CELF5: variants seen among roughly 807,000 people sequenced by gnomAD.
CELF5 encodes the protein CUGBP Elav-like family member 5.
A neutral mutation model predicts 54.9 loss-of-function variants in CELF5; 6 were observed. The ratio of observed to expected loss-of-function variants is 0.11; its 90% CI spans 0.06 to 0.22. The LOEUF is 0.22. CELF5 is among the 10% of genes least tolerant of loss of function. The pLI, the probability that CELF5 is intolerant of heterozygous loss-of-function variation, is 1.00. For synonymous variants in CELF5, 271 were observed against 290.9 expected (o/e 0.93, Z 0.70); for missense variants, 401 against 678.6 (o/e 0.59, Z 4.54).
Position 3,257,165 on chromosome 19 carries a change from C to T in CELF5, c.342+6098C>T, listed in dbSNP as rs115358075. 6.7e-3 allele frequency among the ~76,000 whole-genome samples: 1,023 copies of T among 152,224 alleles called. 12 individuals carry two copies. The highest frequency in any genetic ancestry group is 0.023 in the African/African-American group (953 of 41,542). On this transcript the variant is annotated intron_variant, in intron 2 of 12. Transcript: ENST00000292672. ...AGGGAAGGCCTCTCTGAGGAGATGG[C>T]CTGGAGAGGAGGAAGCCGTGCACTC...
chr19:3,254,431 G>A (rs60302083), intron 2 of CELF5, among the ~76,000 whole-genome samples: 30,780 of 144,984 alleles, frequency 0.21, 3,561 homozygotes, highest in East Asian at 0.55. Flanking sequence ...CCAGCCACAC[G>A]TCCATCCATC....
chr19:3,254,301 G>T (rs1386274351), intron 2 of CELF5, among the ~76,000 whole-genome samples: 2 of 150,198 alleles, frequency 1.3e-5, no homozygotes, highest in East Asian at 3.9e-4. Flanking sequence ...TCACCCATCT[G>T]CCCATGTGTC....
chr19:3,281,462 G>T lies in CELF5; in HGVS notation c.750+117G>T, dbSNP rs930569546. ...CCCTGACTCAGGGTCCTCTCCTGGC[G>T]TGGCTGAACCCCAACTCCAAATTGA... On this transcript the variant is annotated intron_variant, in intron 6 of 12. Coordinates refer to ENST00000292672, the MANE Select transcript of CELF5 (RefSeq NM_021938.4). This position sits in a 1 kb window ranked among gnomAD's most constrained non-coding sequence, Gnocchi z 6.5. 8.3e-7 allele frequency: 1 copy of T among 1,206,868 alleles called. No individual in the cohort carries two copies. The highest frequency in any genetic ancestry group is 1.4e-5 in the South Asian group (1 of 69,412). The allele number at this position is 1,206,868 out of a possible 1,614,324, so 74.8% of individuals were successfully genotyped here. A position where few individuals can be genotyped will look rare whatever the true frequency, so the allele number is the denominator to read the frequency against.
chr19:3,256,209 T>C (rs1302851817), intron 2 of CELF5, among the ~76,000 whole-genome samples: 2 of 152,038 alleles, frequency 1.3e-5, no homozygotes, highest in Admixed American at 6.5e-5. Context: ...CCTAAAGTAT[T>C]CGTGGGTAAC....
At chr19:3,287,743 A>T (rs1311382663) in intron 10 of CELF5, among the ~76,000 whole-genome samples, 3 of 138,434 alleles carry the variant, frequency 2.2e-5, no homozygotes, top group Non-Finnish European at 4.9e-5. Context: ...ACAGAGGGAG[A>T]CCCTGTCTCA....
chr19:3,274,989 AGTCTCTTTCGC>A (rs1438272940), intron 3 of CELF5, among the ~76,000 whole-genome samples: 2 of 151,334 alleles, frequency 1.3e-5, no homozygotes, highest in African/African-American at 4.9e-5. Context: ...TGTCTCTCAC[AGTCTCTTTCGC>A]GCGCACTCTC....
chr19:3,240,777 C>T (rs778248933), intron 1 of CELF5, among the ~76,000 whole-genome samples: 19 of 151,950 alleles, frequency 1.3e-4, no homozygotes, highest in African/African-American at 3.6e-4. Context: ...TCTCTTGGCC[C>T]GGGCTGACCA....
At chr19:3,266,294 C>T (rs2079880548) in intron 2 of CELF5, among the ~76,000 whole-genome samples, 1 of 152,058 alleles carries the variant, frequency 6.6e-6, no homozygotes, top group Non-Finnish European at 1.5e-5. Context: ...TCGACTCCAT[C>T]CCTGTTTTAG....
chr19:3,276,726 G>A (rs1321451348), intron 4 of CELF5, among the ~76,000 whole-genome samples: 2 of 145,702 alleles, frequency 1.4e-5, no homozygotes, highest in Non-Finnish European at 3.1e-5. Context: ...GTGGCCTTGG[G>A]GAAGGGCAAG....
chr19:3,281,248 G>T lies in CELF5; in HGVS notation c.653G>T (p.Arg218Leu), dbSNP rs766042819. The change falls in exon 6 of 13, where the codon CGG becomes CTG. Residue 218 changes from arginine to leucine, a missense_variant. Transcript: ENST00000292672. The surrounding 1 kb of genome is among the most constrained non-coding windows in gnomAD (Gnocchi z 6.5). ...VVKFADTDKE[R>L]TLRRMQQMVG... ...AAGTTCGCCGACACGGACAAGGAGC[G>T]GACGCTCCGGCGCATGCAGCAGATG... The T allele has an allele frequency of 1.2e-6, 2 of 1,610,786 alleles. No individual in the cohort carries two copies. Among genetic ancestry groups the T allele is most frequent in the Non-Finnish European group, 8.5e-7 (1 of 1,179,868 alleles).
Position 3,282,262 on chromosome 19 carries a change from C to T in CELF5, c.887C>T (p.Ala296Val). Residue 296 changes from alanine to valine, a missense_variant, in exon 7 of 13, where the codon GCC becomes GTC. By Grantham distance (64) the Ala-to-Val change is moderately conservative. Coordinates refer to ENST00000292672, the MANE Select transcript of CELF5 (RefSeq NM_021938.4). This position sits in a 1 kb window ranked among gnomAD's most constrained non-coding sequence, Gnocchi z 5.2. ...NGLPATPIAP[A>V]SGLHSPPLLG... Reference sequence around the variant, plus strand: ...CTGCCTGCCACACCCATCGCTCCTGCCTCTGGTGAGCCTCCTCCAGGCACC... The same window carrying T: ...CTGCCTGCCACACCCATCGCTCCTGTCTCTGGTGAGCCTCCTCCAGGCACC... 2 of 1,612,346 alleles carry T rather than the reference C, an allele frequency of 1.2e-6. No homozygotes were observed. Among genetic ancestry groups the T allele is most frequent in the Non-Finnish European group, 1.7e-6 (2 of 1,180,026 alleles).
chr19:3,289,702 A>C (rs2145309862), intron 10 of CELF5, among the ~76,000 whole-genome samples: 1 of 142,922 alleles, frequency 7.0e-6, no homozygotes, highest in Admixed American at 7.0e-5. Flanking sequence ...AAAAAAAAAA[A>C]AAAAAAAAAA....
At chr19:3,287,757 C>T (rs1374990351) in intron 10 of CELF5, among the ~76,000 whole-genome samples, 1 of 103,206 alleles carries the variant, frequency 9.7e-6, no homozygotes, top group African/African-American at 3.0e-5. Flanking sequence ...TGTCTCAAAA[C>T]AACAAAACAA....
At chr19:3,250,443 C>T (rs886280554) in intron 1 of CELF5, among the ~76,000 whole-genome samples, 15 of 152,166 alleles carry the variant, frequency 9.9e-5, no homozygotes, top group Non-Finnish European at 2.1e-4. Context: ...GAGCCGAGAT[C>T]GCGCCACTGC....
chr19:3,240,157 T>C (rs1312419465), intron 1 of CELF5, among the ~76,000 whole-genome samples: 2 of 151,608 alleles, frequency 1.3e-5, no homozygotes, highest in African/African-American at 4.9e-5. Flanking sequence ...GCTGGAATTA[T>C]AGGTGCACGC....
chr19:3,286,302 G>T, intron 10 of CELF5: 1 of 412,232 alleles, frequency 2.4e-6, no homozygotes, highest in South Asian at 6.7e-5. Flanking sequence ...GTGATTCTCT[G>T]GATTTTTTGG....
chr19:3,254,973 T>TATCTATCCTCCCATCCACCC (rs2079702298), intron 2 of CELF5, among the ~76,000 whole-genome samples: 1 of 150,498 alleles, frequency 6.6e-6, no homozygotes, highest in African/African-American at 2.5e-5. Context: ...TCCATCCACC[T>TATCTATCCTCCCATCCACCC]ATCTATCCTC....
intron 2 of CELF5, among the ~76,000 whole-genome samples, chr19:3,266,324 C>T (rs1003717820): frequency 1.3e-4 from 19 of 151,932 alleles, no homozygotes; most frequent in African/African-American, 3.6e-4. Context: ...AGTTTGGTCC[C>T]GTATCTCAGC....
chr19:3,227,436 G>A (rs375947590), intron 1 of CELF5, among the ~76,000 whole-genome samples: 36 of 152,286 alleles, frequency 2.4e-4, no homozygotes, highest in African/African-American at 7.9e-4. Context: ...GTGGTTTAGT[G>A]TGCCTGTTCA....
Sources: allele counts gnomAD v4.1 joint callset (sites outside exome capture counted in the v4.1 genomes callset), GRCh38; gene constraint gnomAD v4.1.1; non-coding constraint Gnocchi (gnomAD v3.1); transcripts MANE v1.5; gene names NCBI Gene and HGNC (gene_info 2026-07-23, HGNC 2026-07-21).